NR5A2: variants seen among roughly 807,000 people sequenced by gnomAD.
NR5A2 encodes CYP7A promoter-binding factor.
NR5A2 carries 26 observed loss-of-function variants against 62.7 expected under a neutral mutation model. The observed-to-expected ratio is 0.41, with a 90% CI of 0.30 to 0.58. The LOEUF (loss-of-function observed/expected upper bound fraction) is 0.58. Ranked by LOEUF, NR5A2 falls within the 20% of genes least tolerant of loss-of-function variation. NR5A2 has a pLI of 0.22. For synonymous variants in NR5A2, 246 were observed against 241.7 expected (o/e 1.02, Z -0.16); for missense variants, 541 against 669.1 (o/e 0.81, Z 2.11).
chr1:200,070,115 T>C (rs561512201), intron 5 of NR5A2, among the ~76,000 whole-genome samples: 1 of 152,338 alleles, frequency 6.6e-6, no homozygotes, highest in South Asian at 2.1e-4. Flanking sequence ...ATATAAATTG[T>C]GCAGGGTAGT....
chr1:200,124,678 C>G (rs1046195434), intron 7 of NR5A2, among the ~76,000 whole-genome samples: 1 of 152,132 alleles, frequency 6.6e-6, no homozygotes, highest in African/African-American at 2.4e-5. Context: ...GTGGCTCACA[C>G]CTGTAATCTC....
chr1:200,154,894 C>G lies in NR5A2; in HGVS notation c.1379-19069C>G, dbSNP rs534915904. ...TAGTGGCTGGAAGCTCTCTCAGAAG[C>G]TTAAAAAGATGCTTTTATTTTACCT... On this transcript the variant is annotated intron_variant, in intron 7 of 7. Coordinates refer to ENST00000367362, the MANE Select transcript of NR5A2 (RefSeq NM_205860.3). 1.0e-3 allele frequency among the ~76,000 whole-genome samples: 154 copies of G among 152,266 alleles called. 1 individual carries two copies. Among genetic ancestry groups the G allele is most frequent in the Admixed American group, 2.8e-3 (43 of 15,294 alleles).
At chr1:200,129,692 A>G (rs543414777) in intron 7 of NR5A2, among the ~76,000 whole-genome samples, 1 of 152,342 alleles carries the variant, frequency 6.6e-6, no homozygotes, top group African/African-American at 2.4e-5. Flanking sequence ...TCCATTAGCT[A>G]ATCGGAGTCC....
intron 7 of NR5A2, among the ~76,000 whole-genome samples, chr1:200,149,206 C>T (rs767273836): frequency 6.6e-6 from 1 of 152,212 alleles, no homozygotes; most frequent in Non-Finnish European, 1.5e-5. Context: ...GCCACCTCAC[C>T]CGGCCACACG....
chr1:200,045,731 G>A (rs2363455), intron 4 of NR5A2, 147 bp downstream of exon 4: 80,752 of 585,862 alleles, frequency 0.14, 6,329 homozygotes, highest in African/African-American at 0.18. Flanking sequence ...TGTTTCATCT[G>A]CAGAATAGTC....
intron 7 of NR5A2, among the ~76,000 whole-genome samples, chr1:200,135,462 G>T (rs1294452504): frequency 6.6e-6 from 1 of 151,642 alleles, no homozygotes; most frequent in Non-Finnish European, 1.5e-5. Context: ...TGGAGGTTGC[G>T]GCAAGCCAAG....
At chr1:200,090,566 A>T (rs1664766589) in intron 5 of NR5A2, among the ~76,000 whole-genome samples, 1 of 152,242 alleles carries the variant, frequency 6.6e-6, no homozygotes, top group Non-Finnish European at 1.5e-5. Flanking sequence ...ACTGATTTAA[A>T]TATTATCACT....
chr1:200,061,833 A>G (rs1663234621), intron 5 of NR5A2, among the ~76,000 whole-genome samples: 1 of 152,090 alleles, frequency 6.6e-6, no homozygotes, highest in South Asian at 2.1e-4. Flanking sequence ...TAACAGAACC[A>G]CCTCCTATGA....
chr1:200,043,399 G>A (rs1662209581), intron 2 of NR5A2, among the ~76,000 whole-genome samples: 1 of 152,238 alleles, frequency 6.6e-6, no homozygotes, highest in African/African-American at 2.4e-5. Context: ...TACCTTAGGC[G>A]AAGGTGACAT....
At chr1:200,053,399 T>G (rs777636076) in intron 5 of NR5A2, among the ~76,000 whole-genome samples, 25 of 152,164 alleles carry the variant, frequency 1.6e-4, no homozygotes, top group Non-Finnish European at 2.9e-4. Flanking sequence ...AAGAGATCAC[T>G]GAGATCATTT....
chr1:200,149,866 T>A (rs1652978283), intron 7 of NR5A2, among the ~76,000 whole-genome samples: 1 of 152,142 alleles, frequency 6.6e-6, no homozygotes, highest in Non-Finnish European at 1.5e-5. Context: ...CTATTCATCA[T>A]TTAGGGTCTC....
intron 5 of NR5A2, among the ~76,000 whole-genome samples, chr1:200,063,017 C>G (rs1024211059): frequency 6.6e-6 from 1 of 150,704 alleles, no homozygotes; most frequent in African/African-American, 2.5e-5. Context: ...GGCCCTGGTT[C>G]ACTTTGGCGT....
chr1:200,101,811 T>C (rs1558139063), intron 5 of NR5A2, among the ~76,000 whole-genome samples: 6 of 152,206 alleles, frequency 3.9e-5, no homozygotes. Flanking sequence ...TTGTAATTAA[T>C]TGATATTTCA....
chr1:200,101,980 G>T (rs1665393614), intron 5 of NR5A2, among the ~76,000 whole-genome samples: 2 of 152,156 alleles, frequency 1.3e-5, no homozygotes, highest in Non-Finnish European at 2.9e-5. Flanking sequence ...TCTTCACAGT[G>T]CTGTTTAACA....
chr1:200,133,155 C>G (rs1667040121), intron 7 of NR5A2, among the ~76,000 whole-genome samples: 1 of 152,130 alleles, frequency 6.6e-6, no homozygotes, highest in Admixed American at 6.5e-5. Context: ...TCCTTTTCAA[C>G]TAAATCTAAA....
chr1:200,052,843 T>C (rs540849212), intron 5 of NR5A2, among the ~76,000 whole-genome samples: 20 of 152,212 alleles, frequency 1.3e-4, no homozygotes, highest in Non-Finnish European at 2.4e-4. Context: ...TGTTTCACCG[T>C]GTTAGCCAGG....
Position 200,111,232 on chromosome 1 carries a change from T to G in NR5A2, c.1141T>G (p.Cys381Gly). Reference sequence around the variant, plus strand: ...TGACCAAATGAAGCTGCTTCAGAACTGCTGGAGTGAGCTCTTAATCCTCGA... The same window carrying G: ...TGACCAAATGAAGCTGCTTCAGAACGGCTGGAGTGAGCTCTTAATCCTCGA... Reference protein sequence around the residue: ...VDDQMKLLQNCWSELLILDHI... With the variant: ...VDDQMKLLQNGWSELLILDHI... Residue 381 changes from cysteine (C) to glycine (G), a missense_variant, in exon 6 of 8, where the codon TGC becomes GGC. Physicochemically the swap from Cys to Gly is radical, Grantham distance 159. This residue lies in a region of NR5A2 where 379 missense variants were observed against 442.0 expected (regional missense o/e 0.86). Coordinates refer to ENST00000367362, the MANE Select transcript of NR5A2 (RefSeq NM_205860.3). The G allele has an allele frequency of 1.2e-6, 2 of 1,613,518 alleles. No homozygotes were observed. Among genetic ancestry groups the G allele is most frequent in the Non-Finnish European group, 1.7e-6 (2 of 1,179,820 alleles).
chr1:200,049,874 G>T (rs1266021700), intron 5 of NR5A2, among the ~76,000 whole-genome samples: 2 of 152,190 alleles, frequency 1.3e-5, no homozygotes, highest in African/African-American at 2.4e-5. Flanking sequence ...ATGGTCTGGG[G>T]AATGTGGAAG....
At chr1:200,045,646 A>G in intron 4 of NR5A2, 62 bp downstream of exon 4, 1 of 1,358,566 alleles carries the variant, frequency 7.4e-7, no homozygotes, top group Non-Finnish European at 1.0e-6. Flanking sequence ...CTGTAAAACA[A>G]CATTGTACTT....
Sources: gnomAD v4.1 joint callset for allele counts (sites outside exome capture counted in the v4.1 genomes callset) on GRCh38, gnomAD v4.1.1 for gene constraint, gnomAD v4.1.1 regional missense constraint, MANE v1.5 for transcripts, NCBI Gene and HGNC (gene_info 2026-07-23, HGNC 2026-07-21) for gene names.